The following AMD1 variants were observed in gnomAD, a reference collection of about 807,000 sequenced individuals.
AMD1 encodes S-adenosylmethionine decarboxylase proenzyme.
In AMD1, 11 loss-of-function variants were observed where a neutral mutation model predicts 40.2. The observed-to-expected ratio is 0.27, with a 90% CI of 0.17 to 0.45. AMD1 has a LOEUF of 0.45. AMD1 is among the 20% of genes least tolerant of loss of function. The pLI, the probability that AMD1 is intolerant of heterozygous loss-of-function variation, is 1.00. For synonymous variants in AMD1, 121 were observed against 130.8 expected, an observed-to-expected ratio of 0.93 and a Z score of 0.51; for missense variants, 257 against 410.2, an observed-to-expected ratio of 0.63 and a Z score of 3.23.
At chr6:110,845,602 G>T in the AMD1 span, among the ~76,000 whole-genome samples, 1 of 152,174 alleles carries the variant, frequency 6.6e-6, no homozygotes, top group Non-Finnish European at 1.5e-5. Context: ...ATACCCTGCT[G>T]TTGGGTCATT....
At chr6:110,816,399 C>T in the AMD1 span, among the ~76,000 whole-genome samples, 1 of 152,176 alleles carries the variant, frequency 6.6e-6, no homozygotes, top group Admixed American at 6.5e-5. Context: ...GGGCTCAGGA[C>T]ACACTACCCC....
chr6:110,826,310 T>A, the AMD1 span, among the ~76,000 whole-genome samples: 1 of 143,810 alleles, frequency 7.0e-6, no homozygotes, highest in East Asian at 2.1e-4. Context: ...CAAACTTCTC[T>A]CTGTAGGATG....
the AMD1 span, among the ~76,000 whole-genome samples, chr6:110,847,583 T>C: frequency 6.6e-6 from 1 of 152,120 alleles, no homozygotes; most frequent in Non-Finnish European, 1.5e-5. Flanking sequence ...TTAGGCTATT[T>C]AACTGATTGA....
At position 110,890,321 on chromosome 6, in the gene AMD1, A is replaced by G; in HGVS notation, c.392A>G (p.Gln131Arg). 1 of 1,600,414 alleles carries G rather than the reference A, an allele frequency of 6.2e-7. No individual in the cohort carries two copies. Among genetic ancestry groups the G allele is most frequent in the Non-Finnish European group, 8.5e-7 (1 of 1,177,020 alleles). Residue 131 changes from glutamine (Q) to arginine (R), a missense_variant, in exon 4 of 9, where the codon CAG becomes CGG. Transcript: ENST00000368885. ...SHQGYPHRNF[Q>R]EEIEFLNAIF... ...CAAGGGTACCCACACCGGAATTTCC[A>G]GGAAGAAATAGAGTTTCTTAATGCA... is the stretch of plus-strand genomic sequence containing the variant.
intron 1 of AMD1, among the ~76,000 whole-genome samples, chr6:110,886,562 CCCAAAGTGCTGGGATTACAGGCGTGAA>C (rs1785699876): frequency 6.6e-6 from 1 of 152,196 alleles, no homozygotes; most frequent in Admixed American, 6.5e-5. Flanking sequence ...GCCTTGGCCT[CCCAAAGTGCTGGGATTACAGGCGTGAA>C]CCACCACGCC....
At chr6:110,862,672 G>C in the AMD1 span, among the ~76,000 whole-genome samples, 1 of 150,448 alleles carries the variant, frequency 6.6e-6, no homozygotes, top group Admixed American at 6.6e-5. Context: ...GTTTCACCAA[G>C]TTGGCCAGCC....
chr6:110,854,015 G>C, the AMD1 span, among the ~76,000 whole-genome samples: 1 of 152,192 alleles, frequency 6.6e-6, no homozygotes, highest in Non-Finnish European at 1.5e-5. Flanking sequence ...GGTGGAACTT[G>C]GCAGGGGTGA....
the AMD1 span, among the ~76,000 whole-genome samples, chr6:110,856,780 G>A: frequency 1.3e-5 from 2 of 152,174 alleles, no homozygotes; most frequent in African/African-American, 2.4e-5. Context: ...GGCTCTGGAG[G>A]GAAGAAGGGT....
intron 1 of AMD1, among the ~76,000 whole-genome samples, chr6:110,878,877 C>T (rs1286430322): frequency 6.6e-6 from 1 of 152,104 alleles, no homozygotes; most frequent in Non-Finnish European, 1.5e-5. Flanking sequence ...GATAGTCATA[C>T]CTCAGCTTAA....
chr6:110,847,235 C>A, the AMD1 span, among the ~76,000 whole-genome samples: 1 of 152,136 alleles, frequency 6.6e-6, no homozygotes, highest in African/African-American at 2.4e-5. Flanking sequence ...AGAATTTCTT[C>A]TTTCTAAAGA....
chr6:110,844,606 C>A, the AMD1 span, among the ~76,000 whole-genome samples: 1 of 151,588 alleles, frequency 6.6e-6, no homozygotes, highest in African/African-American at 2.4e-5. Context: ...ACGGTGAAAC[C>A]CCATCTCTAC....
chr6:110,845,034 AGAC>A, the AMD1 span, among the ~76,000 whole-genome samples: 1 of 147,222 alleles, frequency 6.8e-6, no homozygotes, highest in Non-Finnish European at 1.5e-5. Context: ...GAGGTGCCAC[AGAC>A]CTTTTTTTTT....
chr6:110,848,560 T>C, the AMD1 span: 1 of 407,324 alleles, frequency 2.5e-6, no homozygotes, highest in Non-Finnish European at 4.1e-6. Context: ...CTTATGTATG[T>C]TTTTGTTTAA....
In AMD1 at chr6:110,893,268, A is replaced by G. The variant is rs1165462854; in HGVS notation, c.864+203A>G. ...TCAGTCCTTGTTTTCTGTCTAGCCA[A>G]ACTGATGGGTTCCTCCTGTCTTGCT... On this transcript the variant is annotated intron_variant, in intron 8 of 8. Coordinates refer to ENST00000368885, the MANE Select transcript of AMD1 (RefSeq NM_001634.6). Among the ~76,000 whole-genome samples, 12 of 152,162 alleles carry G rather than the reference A, an allele frequency of 7.9e-5. No homozygotes were observed. Among genetic ancestry groups the G allele is most frequent in the African/African-American group, 2.9e-4 (12 of 41,432 alleles).
At chr6:110,875,856 T>TC (rs1405425713) in intron 1 of AMD1, among the ~76,000 whole-genome samples, 2 of 151,676 alleles carry the variant, frequency 1.3e-5, no homozygotes, top group Non-Finnish European at 2.9e-5. Flanking sequence ...GCCCCACCGC[T>TC]CCCCTAACAT....
chr6:110,858,427 C>A, the AMD1 span: 3 of 932,252 alleles, frequency 3.2e-6, no homozygotes, highest in Non-Finnish European at 5.4e-6. Flanking sequence ...TATGGACACT[C>A]ATGAACAAGC....
At chr6:110,851,480 T>C in the AMD1 span, among the ~76,000 whole-genome samples, 3 of 151,946 alleles carry the variant, frequency 2.0e-5, no homozygotes, top group Non-Finnish European at 4.4e-5. Flanking sequence ...GTTGTCGTTT[T>C]GATATGGAAT....
the AMD1 span, among the ~76,000 whole-genome samples, chr6:110,843,141 G>T: frequency 6.9e-6 from 1 of 145,914 alleles, no homozygotes. Flanking sequence ...TCAAAAAAAA[G>T]TCTAAAAAAC....
chr6:110,837,206 C>CACCTGTCA, the AMD1 span, among the ~76,000 whole-genome samples: 12 of 131,788 alleles, frequency 9.1e-5, no homozygotes, highest in African/African-American at 3.4e-4. Context: ...AAAAGACTCA[C>CACCTGTCA]ACCTGTCATC....
Sources: allele counts gnomAD v4.1 joint callset (sites outside exome capture counted in the v4.1 genomes callset), GRCh38; gene constraint gnomAD v4.1.1; transcripts MANE v1.5; gene names NCBI Gene and HGNC (gene_info 2026-07-23, HGNC 2026-07-21).